The following ERICH3 variants were observed in gnomAD, a reference collection of about 807,000 sequenced individuals.
The protein encoded by ERICH3 is glutamate-rich protein 3.
A neutral mutation model predicts 131.1 loss-of-function variants in ERICH3; 126 were observed. That is an observed-to-expected ratio of 0.96 (90% CI 0.83 to 1.11). The LOEUF is 1.11. ERICH3 is among the 50% of genes most tolerant of loss of function. The pLI, the probability that ERICH3 is intolerant of heterozygous loss-of-function variation, is 0.00. For missense variants in ERICH3, 2,050 were observed against 1,810.7 expected (o/e 1.13, Z -2.40); for synonymous variants, 695 against 644.6 (o/e 1.08, Z -1.18).
rs1410361208 is a variant in ERICH3 at position 74,636,454 on chromosome 1, A to G, written c.445-16T>C. 2.5e-6 allele frequency: 4 copies of G among 1,588,972 alleles called. No individual in the cohort carries two copies. Among genetic ancestry groups the G allele is most frequent in the South Asian group, 1.1e-5 (1 of 87,340 alleles). On this transcript the variant is annotated splice_polypyrimidine_tract_variant and intron_variant, in intron 5 of 14. Transcript: ENST00000326665. ...GAGGGGCTGTCTAGACAATTAGGGG[A>G]AAAAATTCCATTTAAATTAGTATCT...
intron 1 of ERICH3, among the ~76,000 whole-genome samples, chr1:74,653,245 T>G (rs1646553718): frequency 6.6e-6 from 1 of 152,168 alleles, no homozygotes; most frequent in African/African-American, 2.4e-5. Context: ...CAAAAGCTTA[T>G]TGTTTAATGA....
chr1:74,665,380 C>T (rs982646982), intron 1 of ERICH3, among the ~76,000 whole-genome samples: 3 of 152,134 alleles, frequency 2.0e-5, no homozygotes, highest in Non-Finnish European at 4.4e-5. Flanking sequence ...CTAAGACCCC[C>T]ATGACCCCCA....
At chr1:74,612,556 T>C in intron 9 of ERICH3, 67 bp downstream of exon 9, 1 of 1,342,488 alleles carries the variant, frequency 7.4e-7, no homozygotes, top group Non-Finnish European at 1.0e-6. Flanking sequence ...AGAAATGCAT[T>C]AGTAAAGGCA....
At chr1:74,629,713 G>T (rs1649529315) in intron 7 of ERICH3, among the ~76,000 whole-genome samples, 1 of 152,144 alleles carries the variant, frequency 6.6e-6, no homozygotes, top group African/African-American at 2.4e-5. Flanking sequence ...CCCAGAAGGG[G>T]CTTTTAAAAC....
At chr1:74,667,540 T>C (rs569293193) in intron 1 of ERICH3, among the ~76,000 whole-genome samples, 24 of 152,188 alleles carry the variant, frequency 1.6e-4, no homozygotes, top group Non-Finnish European at 3.2e-4. Flanking sequence ...AAGTTTTAAT[T>C]GAAAGTGATA....
chr1:74,584,885 C>A (rs938102278), intron 12 of ERICH3, among the ~76,000 whole-genome samples: 5 of 152,116 alleles, frequency 3.3e-5, no homozygotes, highest in Admixed American at 2.6e-4. Context: ...TGTATTTAGA[C>A]CTCAACTCAT....
chr1:74,632,503 T>G (rs1188415731), intron 6 of ERICH3, among the ~76,000 whole-genome samples: 2 of 151,976 alleles, frequency 1.3e-5, no homozygotes, highest in Non-Finnish European at 2.9e-5. Context: ...GAATAAATCC[T>G]ACACAGATAA....
intron 11 of ERICH3, among the ~76,000 whole-genome samples, chr1:74,590,366 A>G (rs1355833774): frequency 1.1e-4 from 17 of 152,146 alleles, no homozygotes; most frequent in Admixed American, 1.0e-3. Flanking sequence ...TTATTATTAC[A>G]TTGTAATATA....
Position 74,639,085 on chromosome 1 carries a change from T to C in ERICH3, c.444+2246A>G, listed in dbSNP as rs546423925. 2.1e-4 allele frequency among the ~76,000 whole-genome samples: 32 copies of C among 152,286 alleles called. No homozygotes were observed. The East Asian group carries it at 4.4e-3, about 21-fold the overall frequency. On this transcript the variant is annotated intron_variant, in intron 5 of 14. Coordinates refer to ENST00000326665, the MANE Select transcript of ERICH3 (RefSeq NM_001002912.5). The stretch of plus-strand genomic sequence containing the variant: ...TAAAGAAACAAAAAATAAGCCTATA[T>C]GGTCCAAAAGGTAAAAGGTCTTATA...
intron 8 of ERICH3, among the ~76,000 whole-genome samples, chr1:74,614,946 C>A (rs890896256): frequency 2.6e-5 from 4 of 152,090 alleles, no homozygotes; most frequent in African/African-American, 9.7e-5. Context: ...GTAATATAAA[C>A]CATTCTGCTG....
Position 74,606,767 on chromosome 1 carries a change from T to C in ERICH3, c.1323A>G (p.Lys441=). ...VRKEREYVIP[K]RNEIKENKTS... is the part of the protein sequence containing the mutation. ...TTTTGTTCTCCTTGATCTCATTTCT[T>C]TTTGGTATCACATACTCTCTCTCTT... Residue 441 remains lysine, a synonymous_variant, in exon 10 of 15, where the codon AAA becomes AAG. Coordinates refer to ENST00000326665, the MANE Select transcript of ERICH3 (RefSeq NM_001002912.5). The C allele has an allele frequency of 6.2e-7, 1 of 1,613,494 alleles. No individual in the cohort carries two copies. The highest frequency in any genetic ancestry group is 1.1e-5 in the South Asian group (1 of 91,060).
chr1:74,591,483 G>A (rs968555220), intron 11 of ERICH3, among the ~76,000 whole-genome samples: 1 of 152,176 alleles, frequency 6.6e-6, no homozygotes, highest in African/African-American at 2.4e-5. Flanking sequence ...GGCTCTTTGA[G>A]TCTGAGGGTG....
At chr1:74,579,924 T>TC (rs1647146645) in intron 12 of ERICH3, 2 of 964,414 alleles carry the variant, frequency 2.1e-6, no homozygotes, top group African/African-American at 1.8e-5. Flanking sequence ...TTTTTTTTTT[T>TC]CACTCAAATG....
chr1:74,651,132 G>A (rs1051371915), intron 1 of ERICH3, among the ~76,000 whole-genome samples: 23 of 152,058 alleles, frequency 1.5e-4, no homozygotes, highest in Non-Finnish European at 3.2e-4. Context: ...ATAGAGTCAA[G>A]TAAATATCAT....
At chr1:74,626,549 C>A (rs1016466920) in intron 7 of ERICH3, among the ~76,000 whole-genome samples, 1 of 152,100 alleles carries the variant, frequency 6.6e-6, no homozygotes, top group Non-Finnish European at 1.5e-5. Flanking sequence ...TAAGTAGGTT[C>A]TTATTTGGAA....
intron 11 of ERICH3, chr1:74,592,358 C>A (rs1647648447): frequency 6.6e-6 from 1 of 152,038 alleles, no homozygotes; most frequent in African/African-American, 2.4e-5. Context: ...CGTTCAGAAA[C>A]TTTAGGGTCT....
chr1:74,620,788 G>T lies in ERICH3; in HGVS notation c.946C>A (p.Gln316Lys). The T allele has an allele frequency of 6.2e-7, 1 of 1,613,326 alleles. No homozygotes were observed. Among genetic ancestry groups the T allele is most frequent in the Non-Finnish European group, 8.5e-7 (1 of 1,179,670 alleles). Residue 316 changes from glutamine (Q) to lysine (K), a missense_variant, in exon 8 of 15, where the codon CAG becomes AAG. By Grantham distance (53) the Gln-to-Lys change is moderately conservative. Transcript: ENST00000326665. ...CAAAGGTTTTCCCCACCACAGTGCT[G>T]CTGATAAACTTTAATTTCATCCCGG... ...DFRDEIKVYQ[Q>K]HCGGENLCVY...
At position 74,568,561 on chromosome 1, in the gene ERICH3, A is replaced by G. The variant is rs1448319449; in HGVS notation, c.*1897T>C. The G allele has an allele frequency of 6.6e-6, 1 of 152,186 alleles. No individual in the cohort carries two copies. The highest frequency in any genetic ancestry group is 1.5e-5 in the Non-Finnish European group (1 of 68,000). The allele number at this position is 152,186 out of a possible 1,614,324, so 9.4% of individuals were successfully genotyped here. ...TAAAACTTTAAGACAGATGATGGAG[A>G]TTTATGATGTGCAGTGAGTAATATC... On this transcript the variant is annotated 3_prime_UTR_variant, in exon 15 of 15. Transcript: ENST00000326665.
chr1:74,583,488 T>C (rs765438782), intron 12 of ERICH3, among the ~76,000 whole-genome samples: 1 of 152,124 alleles, frequency 6.6e-6, no homozygotes, highest in African/African-American at 2.4e-5. Flanking sequence ...TTTCTCTCTC[T>C]CTCTCCTTCT....
Sources: allele counts gnomAD v4.1 joint callset (sites outside exome capture counted in the v4.1 genomes callset), GRCh38; gene constraint gnomAD v4.1.1; transcripts MANE v1.5; gene names NCBI Gene and HGNC (gene_info 2026-07-23, HGNC 2026-07-21).